NRDC: variants seen among roughly 807,000 people sequenced by gnomAD.
The protein encoded by NRDC is nardilysin convertase.
Under a neutral mutation model 147.1 loss-of-function variants are expected in NRDC, and 54 were observed. That is an observed-to-expected ratio of 0.37 (90% confidence interval 0.29 to 0.46). The LOEUF is 0.46. Among genes scored for constraint, NRDC ranks in the 20% least tolerant of loss-of-function variants. The pLI is 1.00. For synonymous variants in NRDC, 440 were observed against 482.1 expected, an observed-to-expected ratio of 0.91 and a Z score of 1.14; for missense variants, 1,082 against 1,370.6, an observed-to-expected ratio of 0.79 and a Z score of 3.33.
Position 51,838,373 on chromosome 1 carries a change from C to A in NRDC, c.630+1853G>T, listed in dbSNP as rs143514876. ...CATGTTCATTTGTCAAAGGTGTTCA[C>A]AATTGCTGTATAAATCTAAAGTATT... On this transcript the variant is annotated intron_variant, in intron 2 of 30. Transcript: ENST00000352171. 4.9e-3 allele frequency among the ~76,000 whole-genome samples: 744 copies of A among 152,254 alleles called. 2 individuals are homozygous for A. The highest frequency in any genetic ancestry group is 0.017 in the African/African-American group (713 of 41,546).
At chr1:51,801,506 A>G (rs1449313827) in intron 20 of NRDC, among the ~76,000 whole-genome samples, 1 of 152,070 alleles carries the variant, frequency 6.6e-6, no homozygotes, top group Non-Finnish European at 1.5e-5. Context: ...AAAGCCATTG[A>G]TTCTGATATA....
Position 51,878,381 on chromosome 1 carries a change from C to A in NRDC, c.235G>T (p.Ala79Ser), listed in dbSNP as rs1683436957. 2 of 1,614,196 alleles carry A rather than the reference C, an allele frequency of 1.2e-6. No individual in the cohort carries two copies. The highest frequency in any genetic ancestry group is 8.5e-7 in the Non-Finnish European group (1 of 1,180,036). The change falls in exon 1 of 31, where the codon GCC (alanine) becomes TCC (serine). Residue 79 changes from alanine (A) to serine (S), a missense_variant. Coordinates refer to ENST00000352171, the MANE Select transcript of NRDC (RefSeq NM_001101662.2). The part of the protein sequence containing the change: ...GQDLGENSRV[A>S]RLGADESEEE... ...TCAGATTCATCCGCTCCTAGACGGG[C>A]AACCCGGCTGTTCTCGCCCAGATCC...
Position 51,878,316 on chromosome 1 carries a change from G to A in NRDC, c.300C>T (p.Asp100=), listed in dbSNP as rs1238672469. Residue 100 remains aspartate (D), a synonymous_variant, in exon 1 of 31, where the codon GAC becomes GAT. Transcript: ENST00000352171. The stretch of plus-strand genomic sequence containing the variant: ...CGCTGGGAGACTTGACGATCTCAGG[G>A]TCCCCAGCATTACTGAGAGACCCCC... The part of the protein sequence containing the change: ...GRRGSLSNAG[D]PEIVKSPSDP... 3 of 1,613,970 alleles carry A rather than the reference G, an allele frequency of 1.9e-6. No homozygotes were observed. Among genetic ancestry groups the A allele is most frequent in the South Asian group, 1.1e-5 (1 of 91,062 alleles).
At position 51,789,399 on chromosome 1, in the gene NRDC, T is replaced by C. The variant is rs762397773; in HGVS notation, c.3293A>G (p.Asp1098Gly). Residue 1098 changes from aspartate to glycine, a missense_variant, in exon 31 of 31, where the codon GAT becomes GGT. Coordinates refer to ENST00000352171, the MANE Select transcript of NRDC (RefSeq NM_001101662.2). ...TGAATCCTCACTAGAAGGGGTACCATCCTCTTCCAGTTCATACTTCCCATA... is the reference window on the plus strand; with the variant it reads ...TGAATCCTCACTAGAAGGGGTACCACCCTCTTCCAGTTCATACTTCCCATA... The part of the protein sequence containing the change: ...VGYGKYELEE[D>G]GTPSSEDSNS... 19 of 1,614,002 alleles carry C rather than the reference T, an allele frequency of 1.2e-5. No homozygotes were observed. The South Asian group carries it at 2.0e-4, about 17-fold the overall frequency.
At chr1:51,833,813 C>A (rs1680824786) in intron 4 of NRDC, among the ~76,000 whole-genome samples, 1 of 152,134 alleles carries the variant, frequency 6.6e-6, no homozygotes, top group South Asian at 2.1e-4. Flanking sequence ...CAGGTTCTTA[C>A]TATTTTGCCC....
In NRDC at chr1:51,818,103, T is replaced by C; in HGVS notation, c.1324A>G (p.Ile442Val). Residue 442 changes from isoleucine to valine, a missense_variant, in exon 10 of 31, where the codon ATC becomes GTC. By Grantham distance (29) the Ile-to-Val change is conservative. This residue lies in a region of NRDC where 635 missense variants were observed against 923.8 expected (regional missense o/e 0.69). Coordinates refer to ENST00000352171, the MANE Select transcript of NRDC (RefSeq NM_001101662.2). ...VPIRKIHALTITWALPPQQQH... is the reference protein window; with the variant it reads ...VPIRKIHALTVTWALPPQQQH... ...TGTTGAGGAGGAAGTGCCCATGTGA[T>C]GGTCAGAGCATGAATTTTTCTGATT... 3 of 1,606,430 alleles carry C rather than the reference T, an allele frequency of 1.9e-6. No homozygotes were observed. The highest frequency in any genetic ancestry group is 1.7e-5 in the Admixed American group (1 of 57,392).
intron 20 of NRDC, among the ~76,000 whole-genome samples, chr1:51,802,360 T>C (rs1463982904): frequency 6.6e-6 from 1 of 152,202 alleles, no homozygotes; most frequent in African/African-American, 2.4e-5. Context: ...TTTCTATACA[T>C]ACATACATAC....
chr1:51,813,573 G>T (rs1679826752), intron 14 of NRDC, among the ~76,000 whole-genome samples: 1 of 152,100 alleles, frequency 6.6e-6, no homozygotes, highest in African/African-American at 2.4e-5. Flanking sequence ...TTGGATTACA[G>T]GCATGAGCCA....
chr1:51,792,812 A>G (rs1678716128), intron 24 of NRDC, among the ~76,000 whole-genome samples: 1 of 150,388 alleles, frequency 6.6e-6, no homozygotes, highest in African/African-American at 2.5e-5. Context: ...TCAAGAGGAG[A>G]GAAAATGAAT....
At chr1:51,831,235 T>C (rs1680692505) in intron 4 of NRDC, among the ~76,000 whole-genome samples, 1 of 152,234 alleles carries the variant, frequency 6.6e-6, no homozygotes, top group Non-Finnish European at 1.5e-5. Flanking sequence ...TTATACCAAA[T>C]TTCATCATCT....
intron 1 of NRDC, among the ~76,000 whole-genome samples, chr1:51,848,371 C>A (rs992031297): frequency 2.0e-5 from 3 of 152,118 alleles, no homozygotes; most frequent in Non-Finnish European, 4.4e-5. Flanking sequence ...GTCCCAGCTA[C>A]TCAGGAGGCT....
At chr1:51,845,471 T>C (rs982846702) in intron 1 of NRDC, among the ~76,000 whole-genome samples, 1 of 152,164 alleles carries the variant, frequency 6.6e-6, no homozygotes, top group Non-Finnish European at 1.5e-5. Flanking sequence ...CATACGCCTG[T>C]AGTCCCAGCT....
At chr1:51,875,813 C>G (rs1235824758) in intron 1 of NRDC, among the ~76,000 whole-genome samples, 1 of 152,106 alleles carries the variant, frequency 6.6e-6, no homozygotes, top group East Asian at 1.9e-4. Context: ...CACGGCCCCC[C>G]AAGTGCTGGG....
intron 22 of NRDC, among the ~76,000 whole-genome samples, chr1:51,796,161 A>T (rs1020867293): frequency 1.3e-5 from 2 of 151,948 alleles, no homozygotes; most frequent in Admixed American, 1.3e-4. Context: ...GATGACAGGC[A>T]TAAGCCACCA....
intron 8 of NRDC, among the ~76,000 whole-genome samples, chr1:51,820,100 T>C (rs988017875): frequency 7.9e-5 from 12 of 152,168 alleles, no homozygotes; most frequent in African/African-American, 2.4e-4. Context: ...ACTCAAGAGA[T>C]AGAGAATGAA....
chr1:51,800,835 C>T (rs1033224769), intron 20 of NRDC, 152 bp from the exon 21 acceptor site: 24 of 719,760 alleles, frequency 3.3e-5, no homozygotes, highest in African/African-American at 2.3e-4. Flanking sequence ...TCAATTTGTT[C>T]GTTTGTTTGT....
At chr1:51,846,704 T>C (rs968229142) in intron 1 of NRDC, among the ~76,000 whole-genome samples, 10 of 152,214 alleles carry the variant, frequency 6.6e-5, no homozygotes, top group Admixed American at 2.0e-4. Context: ...CCAACAAGAT[T>C]TATCGCCAAC....
At chr1:51,872,180 G>T (rs897796727) in intron 1 of NRDC, among the ~76,000 whole-genome samples, 2 of 152,116 alleles carry the variant, frequency 1.3e-5, no homozygotes, top group Non-Finnish European at 2.9e-5. Context: ...CAGAAAAACA[G>T]AGAGTTTTTT....
chr1:51,852,952 G>A (rs1327606677), intron 1 of NRDC, among the ~76,000 whole-genome samples: 2 of 151,988 alleles, frequency 1.3e-5, no homozygotes, highest in Admixed American at 6.6e-5. Context: ...GGCCAGGCAC[G>A]GTGGCTCATG....
Sources: allele counts gnomAD v4.1 joint callset (sites outside exome capture counted in the v4.1 genomes callset), GRCh38; gene constraint gnomAD v4.1.1; regional missense constraint gnomAD v4.1.1; transcripts MANE v1.5; gene names NCBI Gene and HGNC (gene_info 2026-07-23, HGNC 2026-07-21).